STARD7: variants seen among roughly 807,000 people sequenced by gnomAD.
STARD7 encodes stAR-related lipid transfer protein 7, mitochondrial.
In STARD7, 30 loss-of-function variants were observed where a neutral mutation model predicts 45.3. The ratio of observed to expected loss-of-function variants is 0.66; its 90% confidence interval spans 0.50 to 0.90. The LOEUF (loss-of-function observed/expected upper bound fraction) is 0.90. Ranked by LOEUF, STARD7 falls within the 40% of genes least tolerant of loss-of-function variation. The pLI, the probability that STARD7 is intolerant of heterozygous loss-of-function variation, is 0.00. For synonymous variants in STARD7, 199 were observed against 183.0 expected (o/e 1.09, Z -0.70); for missense variants, 495 against 491.3 (o/e 1.01, Z -0.07).
At chr2:96,208,107 C>G (rs763589823) in intron 1 of STARD7, 38 bp downstream of exon 1, 2 of 1,497,524 alleles carry the variant, frequency 1.3e-6, no homozygotes, top group Non-Finnish European at 1.8e-6. Flanking sequence ...CAAGCCCCCC[C>G]ACCCCACGGC....
intron 1 of STARD7, among the ~76,000 whole-genome samples, chr2:96,196,460 T>C (rs1405719927): frequency 1.3e-5 from 2 of 151,924 alleles, no homozygotes; most frequent in South Asian, 2.1e-4. Context: ...ACTCTGTCTC[T>C]TTTTTTTGTT....
intron 1 of STARD7, among the ~76,000 whole-genome samples, chr2:96,201,240 T>G (rs985153516): frequency 4.6e-5 from 7 of 151,982 alleles, no homozygotes; most frequent in Admixed American, 2.0e-4. Context: ...CAAGAAATAA[T>G]AAAATGAAAA....
intron 6 of STARD7, among the ~76,000 whole-genome samples, chr2:96,188,818 C>T (rs1381167467): frequency 2.6e-5 from 4 of 151,784 alleles, no homozygotes; most frequent in African/African-American, 7.3e-5. Flanking sequence ...TGCTTGAACC[C>T]GGGAGGCGGA....
chr2:96,186,714 C>T lies in STARD7; in HGVS notation c.*16G>A, dbSNP rs1337004963. On this transcript the variant is annotated 3_prime_UTR_variant, in exon 8 of 8. Coordinates refer to ENST00000337288, the MANE Select transcript of STARD7 (RefSeq NM_020151.4). Reference sequence around the variant, plus strand: ...CAGGGCTAGAAGCACCTTGTCCCTTCTTATCCCAAAGCCTGTCAAGCATAC... The same window carrying T: ...CAGGGCTAGAAGCACCTTGTCCCTTTTTATCCCAAAGCCTGTCAAGCATAC... The T allele has an allele frequency of 6.3e-7, 1 of 1,592,574 alleles. No homozygotes were observed. The highest frequency in any genetic ancestry group is 2.2e-5 in the East Asian group (1 of 44,560).
In STARD7 at chr2:96,197,071, T is replaced by TAAAAG. The variant is rs1304158961; in HGVS notation, c.291-1523_291-1522insCTTTT. On this transcript the variant is annotated intron_variant, in intron 1 of 7. Transcript: ENST00000337288. ...ACAAGAGCGAAACTCCGTCTCAAAATAAAATAAAATAAAATAAAATAAAAT... is the reference window on the plus strand; with the variant it reads ...ACAAGAGCGAAACTCCGTCTCAAAATAAAAGAAAATAAAATAAAATAAAATAAAAT... Among the ~76,000 whole-genome samples the TAAAAG allele has an allele frequency of 1.3e-4, 12 of 94,696 alleles. No homozygotes were observed. The East Asian group carries it at 2.6e-3, about 21-fold the overall frequency. 62.1% of individuals were successfully genotyped at this position (94,696 alleles called of 152,430 possible).
At chr2:96,197,115 A>AAACC (rs1485190560) in intron 1 of STARD7, among the ~76,000 whole-genome samples, 20 of 141,416 alleles carry the variant, frequency 1.4e-4, no homozygotes, top group Non-Finnish European at 2.8e-4. Flanking sequence ...ATAAAATAAA[A>AAACC]TAAAATAAAG....
chr2:96,185,706 G>A lies in STARD7; in HGVS notation c.*1024C>T, dbSNP rs1434426352. 1 of 152,204 alleles carries A rather than the reference G, an allele frequency of 6.6e-6. No individual in the cohort carries two copies. Among genetic ancestry groups the A allele is most frequent in the African/African-American group, 2.4e-5 (1 of 41,456 alleles). 9.4% of individuals were successfully genotyped at this position (152,204 alleles called of 1,614,324 possible). A position where few individuals can be genotyped will look rare whatever the true frequency, so the allele number is the denominator to read the frequency against. On this transcript the variant is annotated 3_prime_UTR_variant, in exon 8 of 8. Coordinates refer to ENST00000337288, the MANE Select transcript of STARD7 (RefSeq NM_020151.4). ...CTGTAGATCTGAGAGCTCCAAGGGA[G>A]TGGCCCAGCCCCCATTCCTCTGACT... is the stretch of plus-strand genomic sequence containing the variant.
chr2:96,205,143 TGTTTAATTTAA>T (rs1683368820), intron 1 of STARD7, among the ~76,000 whole-genome samples: 1 of 152,256 alleles, frequency 6.6e-6, no homozygotes, highest in South Asian at 2.1e-4. Flanking sequence ...ATATTTTCGT[TGTTTAATTTAA>T]GACAACTGGG....
At chr2:96,193,388 G>GTTC (rs745620820) in intron 3 of STARD7, 36 bp from the exon 4 acceptor site, 1 of 1,384,166 alleles carries the variant, frequency 7.2e-7, no homozygotes, top group Admixed American at 1.7e-5. Context: ...TACCCAAGAA[G>GTTC]ACCCAAAACA....
rs1339116096 is a variant in STARD7, at chr2:96,192,483, A to G, written c.744-15T>C. On this transcript the variant is annotated splice_polypyrimidine_tract_variant and intron_variant, in intron 5 of 7. Transcript: ENST00000337288. Reference sequence around the variant, plus strand: ...GCTCCACAGCACTGGTAAGGAGGAAAGGAGAAGCAAACTCTTAGTAATGTC... The same window carrying G: ...GCTCCACAGCACTGGTAAGGAGGAAGGGAGAAGCAAACTCTTAGTAATGTC... 1 of 1,597,984 alleles carries G rather than the reference A, an allele frequency of 6.3e-7. No individual in the cohort carries two copies. The highest frequency in any genetic ancestry group is 8.6e-7 in the Non-Finnish European group (1 of 1,165,316).
In STARD7 at chr2:96,186,782, G is replaced by A; in HGVS notation, c.1061C>T (p.Ser354Phe). Residue 354 changes from serine (S) to phenylalanine (F), a missense_variant, in exon 8 of 8, where the codon TCT (serine) becomes TTT (phenylalanine). Transcript: ENST00000337288. The part of the protein sequence containing the change: ...SSEAKATSQS[S>F]ERKNEGSCGP... ...ACAGCTGCCCTCGTTCTTTCGCTCA[G>A]AGGACTGGCTGGTGGCCTTGGCTTC... The A allele has an allele frequency of 6.2e-7, 1 of 1,613,896 alleles. No individual in the cohort carries two copies. The highest frequency in any genetic ancestry group is 1.7e-4 in the Middle Eastern group (1 of 6,044).
At chr2:96,193,527 T>C (rs576565026) in intron 3 of STARD7, among the ~76,000 whole-genome samples, 175 bp from the exon 4 acceptor site, 1 of 152,346 alleles carries the variant, frequency 6.6e-6, no homozygotes, top group Non-Finnish European at 1.5e-5. Context: ...CAGATGTTTC[T>C]TTCAAAATCA....
Position 96,192,405 on chromosome 2 carries a change from G to A in STARD7, c.807C>T (p.Ser269=). The A allele has an allele frequency of 6.2e-7, 1 of 1,613,794 alleles. No homozygotes were observed. Among genetic ancestry groups the A allele is most frequent in the East Asian group, 2.2e-5 (1 of 44,888 alleles). ...ACTTGTGGGGACGGATAACCATTTGGGATTCATATGATCTGACCCTGACGA... is the reference window on the plus strand; with the variant it reads ...ACTTGTGGGGACGGATAACCATTTGAGATTCATATGATCTGACCCTGACGA... The part of the protein sequence containing the change: ...PEFVRVRSYE[S]QMVIRPHKSF... Residue 269 remains serine, a synonymous_variant, in exon 6 of 8, where the codon TCC becomes TCT. Coordinates refer to ENST00000337288, the MANE Select transcript of STARD7 (RefSeq NM_020151.4).
intron 6 of STARD7, among the ~76,000 whole-genome samples, chr2:96,189,949 A>G (rs1380781896): frequency 6.6e-6 from 1 of 152,180 alleles, no homozygotes; most frequent in African/African-American, 2.4e-5. Context: ...AATTAAAAGT[A>G]TTAGTATATA....
intron 1 of STARD7, among the ~76,000 whole-genome samples, chr2:96,200,493 A>C (rs1683288925): frequency 6.6e-6 from 1 of 152,226 alleles, no homozygotes; most frequent in Admixed American, 6.5e-5. Flanking sequence ...AAATTGGGAT[A>C]ATGGTGACAT....
At position 96,185,777 on chromosome 2, in the gene STARD7, A is replaced by C. The variant is rs1311299630; in HGVS notation, c.*953T>G. ...AGTCAAACCTGAAATATGAAAAATA[A>C]TACCTGAATCAAAATGGTGTTTTCT... On this transcript the variant is annotated 3_prime_UTR_variant, in exon 8 of 8. Coordinates refer to ENST00000337288, the MANE Select transcript of STARD7 (RefSeq NM_020151.4). 1 of 152,220 alleles carries C rather than the reference A, an allele frequency of 6.6e-6. No individual in the cohort carries two copies. Among genetic ancestry groups the C allele is most frequent in the Admixed American group, 6.5e-5 (1 of 15,278 alleles). 9.4% of individuals were successfully genotyped at this position (152,220 alleles called of 1,614,324 possible).
chr2:96,208,221 C>A lies in STARD7; in HGVS notation c.214G>T (p.Ala72Ser). Residue 72 changes from alanine to serine, a missense_variant, in exon 1 of 8, where the codon GCC becomes TCC. Ala to Ser is a moderately conservative substitution (Grantham distance 99). This residue lies in a region of STARD7 where 282 missense variants were observed against 220.1 expected (regional missense o/e 1.28). Coordinates refer to ENST00000337288, the MANE Select transcript of STARD7 (RefSeq NM_020151.4). ...GCTAACGCCGCCATCAAGGCAGAGG[C>A]ATGGCCAGGACGGCCGTGCAGCCGG... is the stretch of plus-strand genomic sequence containing the variant. ...WRRLHGRPGH[A>S]SALMAALAGV... The A allele has an allele frequency of 1.2e-6, 2 of 1,612,704 alleles. No homozygotes were observed. The highest frequency in any genetic ancestry group is 1.7e-6 in the Non-Finnish European group (2 of 1,179,622).
intron 6 of STARD7, among the ~76,000 whole-genome samples, chr2:96,191,964 A>G (rs1239775569): frequency 6.6e-6 from 1 of 152,236 alleles, no homozygotes; most frequent in African/African-American, 2.4e-5. Flanking sequence ...GAAGGCAGAC[A>G]GCATGAGTCC....
intron 6 of STARD7, 110 bp from the exon 7 acceptor site, chr2:96,187,411 T>G (rs1415860431): frequency 1.6e-5 from 11 of 707,826 alleles, no homozygotes; most frequent in Non-Finnish European, 2.7e-5. Context: ...GAGTGTCATT[T>G]CTTTTTTCAC....
Sources: gnomAD v4.1 joint callset for allele counts (sites outside exome capture counted in the v4.1 genomes callset) on GRCh38, gnomAD v4.1.1 for gene constraint, gnomAD v4.1.1 regional missense constraint, MANE v1.5 for transcripts, NCBI Gene and HGNC (gene_info 2026-07-23, HGNC 2026-07-21) for gene names.